The following SHISAL1 variants were observed in gnomAD, a reference collection of about 807,000 sequenced individuals.
SHISAL1 encodes the protein protein shisa-like-1.
A neutral mutation model predicts 22.6 loss-of-function variants in SHISAL1; 9 were observed. The observed-to-expected ratio is 0.40, with a 90% CI of 0.24 to 0.70. SHISAL1 has a LOEUF of 0.70. SHISAL1 is among the 30% of genes least tolerant of loss of function. The pLI, the probability that SHISAL1 is intolerant of heterozygous loss-of-function variation, is 0.39. For synonymous variants in SHISAL1, 119 were observed against 115.4 expected (o/e 1.03, Z -0.20); for missense variants, 246 against 270.6 (o/e 0.91, Z 0.64).
chr22:44,260,828 G>GC (rs1299351110), intron 4 of SHISAL1, among the ~76,000 whole-genome samples: 1 of 152,032 alleles, frequency 6.6e-6, no homozygotes, highest in African/African-American at 2.4e-5. Flanking sequence ...CCTGACTTTG[G>GC]CCGAGGCCTC....
Position 44,297,447 on chromosome 22 carries a change from G to A in SHISAL1, c.68-562C>T, listed in dbSNP as rs532556366. Among the ~76,000 whole-genome samples the A allele has an allele frequency of 2.4e-3, 359 of 152,356 alleles. 2 individuals carry two copies. Among genetic ancestry groups the A allele is most frequent in the African/African-American group, 8.2e-3 (340 of 41,590 alleles). Reference sequence around the variant, plus strand: ...CCCAGGCTGGCCCGGGTGGTGGCTGGCATAGGTGCAAGGACCTCTTGGGTA... The same window carrying A: ...CCCAGGCTGGCCCGGGTGGTGGCTGACATAGGTGCAAGGACCTCTTGGGTA... On this transcript the variant is annotated intron_variant, in intron 2 of 4. Coordinates refer to ENST00000381176, the MANE Select transcript of SHISAL1 (RefSeq NM_001099294.2).
Position 44,259,096 on chromosome 22 carries a change from G to A in SHISAL1, c.*-9411C>T, listed in dbSNP as rs377755086. On this transcript the variant is annotated intron_variant, in intron 4 of 4. Transcript: ENST00000381176. Reference sequence around the variant, plus strand: ...GAAAAAGGGAAGTGCATCCTCACCCGCCCTGCTATGTTCTTAGGTGGAAAT... The same window carrying A: ...GAAAAAGGGAAGTGCATCCTCACCCACCCTGCTATGTTCTTAGGTGGAAAT... Among the ~76,000 whole-genome samples, 8 of 152,266 alleles carry A rather than the reference G, an allele frequency of 5.3e-5. No homozygotes were observed. In the South Asian group the frequency reaches 6.2e-4, roughly 12 times the overall value.
At chr22:44,327,238 GCGCA>G in the SHISAL1 span, among the ~76,000 whole-genome samples, 825 of 101,220 alleles carry the variant, frequency 8.2e-3, 13 homozygotes, top group African/African-American at 0.032. Flanking sequence ...AGTGGGGGGC[GCGCA>G]CACACACACA....
At chr22:44,270,496 C>A (rs1295751880) in intron 4 of SHISAL1, among the ~76,000 whole-genome samples, 1 of 152,166 alleles carries the variant, frequency 6.6e-6, no homozygotes, top group Admixed American at 6.5e-5. Flanking sequence ...TGAGTTTCCA[C>A]ACTTGTGGGA....
At chr22:44,268,657 G>A (rs941198322) in intron 4 of SHISAL1, among the ~76,000 whole-genome samples, 1 of 152,214 alleles carries the variant, frequency 6.6e-6, no homozygotes, top group African/African-American at 2.4e-5. Flanking sequence ...GGGCAGCAGG[G>A]AGAGGGTGTT....
chr22:44,266,528 A>ATGTGTGTGTGTTGGGGGCTTTGGGGTATG (rs2055164205), intron 4 of SHISAL1, among the ~76,000 whole-genome samples: 1 of 108,328 alleles, frequency 9.2e-6, no homozygotes, highest in Admixed American at 1.1e-4. Flanking sequence ...GCTTTGGGGT[A>ATGTGTGTGTGTTGGGGGCTTTGGGGTATG]TGTGTGTGTG....
intron 2 of SHISAL1, among the ~76,000 whole-genome samples, chr22:44,298,208 C>T (rs1367740279): frequency 6.6e-6 from 1 of 152,216 alleles, no homozygotes; most frequent in Non-Finnish European, 1.5e-5. Context: ...AATACCCCCT[C>T]TGGGGATGTA....
intron 4 of SHISAL1, among the ~76,000 whole-genome samples, chr22:44,252,592 A>G (rs2055055419): frequency 6.6e-6 from 1 of 151,006 alleles, no homozygotes; most frequent in Admixed American, 6.7e-5. Flanking sequence ...TGCATCTGCC[A>G]TATCAGTAAA....
At position 44,245,672 on chromosome 22, in the gene SHISAL1, A is replaced by T. The variant is rs1169959370; in HGVS notation, c.*4013T>A. 6.6e-6 allele frequency: 1 copy of T among 152,134 alleles called. No individual in the cohort carries two copies. Among genetic ancestry groups the T allele is most frequent in the East Asian group, 1.9e-4 (1 of 5,170 alleles). The allele number at this position is 152,134 out of a possible 1,614,324, so 9.4% of individuals were successfully genotyped here. On this transcript the variant is annotated 3_prime_UTR_variant, in exon 5 of 5. Coordinates refer to ENST00000381176, the MANE Select transcript of SHISAL1 (RefSeq NM_001099294.2). ...CAACCTGGACAGCGGCCTGTGGGGGAGTCAGTGCCAAGCACAGCCACACCC... is the reference window on the plus strand; with the variant it reads ...CAACCTGGACAGCGGCCTGTGGGGGTGTCAGTGCCAAGCACAGCCACACCC...
chr22:44,283,870 T>C (rs2055293354), intron 4 of SHISAL1, among the ~76,000 whole-genome samples: 1 of 152,058 alleles, frequency 6.6e-6, no homozygotes, highest in African/African-American at 2.4e-5. Flanking sequence ...CCTCTAGGTG[T>C]GTCTGTTGCA....
chr22:44,255,520 G>T (rs549694159), intron 4 of SHISAL1, among the ~76,000 whole-genome samples: 1 of 152,064 alleles, frequency 6.6e-6, no homozygotes, highest in Non-Finnish European at 1.5e-5. Context: ...AGCAAATCCC[G>T]TTGGACCTTC....
chr22:44,256,107 G>A (rs1032623196), intron 4 of SHISAL1, among the ~76,000 whole-genome samples: 1 of 152,078 alleles, frequency 6.6e-6, no homozygotes, highest in Admixed American at 6.5e-5. Context: ...AGGCTGGGAC[G>A]AATTCACACC....
intron 4 of SHISAL1, among the ~76,000 whole-genome samples, chr22:44,283,689 T>C (rs2055291914): frequency 6.6e-6 from 1 of 152,138 alleles, no homozygotes; most frequent in Non-Finnish European, 1.5e-5. Flanking sequence ...TGTATGTGCA[T>C]GCAAAAGGTG....
chr22:44,257,816 G>A (rs1008929469), intron 4 of SHISAL1, among the ~76,000 whole-genome samples: 10 of 152,154 alleles, frequency 6.6e-5, no homozygotes, highest in Admixed American at 2.0e-4. Flanking sequence ...ACCTTCCTAG[G>A]GAACTGCATT....
intron 1 of SHISAL1, among the ~76,000 whole-genome samples, chr22:44,307,386 G>A (rs2055486933): frequency 6.6e-6 from 1 of 152,154 alleles, no homozygotes. Context: ...GAAGTGACTT[G>A]CCCAAGGTCA....
upstream of SHISAL1, among the ~76,000 whole-genome samples, chr22:44,315,702 C>T (rs543066605): frequency 1.4e-4 from 21 of 152,292 alleles, no homozygotes; most frequent in South Asian, 1.7e-3. Flanking sequence ...ACCTGCCTGG[C>T]GGGTCACCTG....
chr22:44,264,392 C>G (rs1056217906), intron 4 of SHISAL1, among the ~76,000 whole-genome samples: 10 of 152,200 alleles, frequency 6.6e-5, no homozygotes, highest in African/African-American at 2.4e-4. Context: ...AGTGCAGAGC[C>G]TGGCATATGG....
chr22:44,293,851 C>T (rs2055369059), intron 3 of SHISAL1, among the ~76,000 whole-genome samples: 1 of 152,192 alleles, frequency 6.6e-6, no homozygotes, highest in African/African-American at 2.4e-5. Flanking sequence ...ATCCTCGATA[C>T]TCCCATTCTC....
Position 44,295,857 on chromosome 22 carries a change from G to C in SHISAL1, c.281+815C>G, listed in dbSNP as rs79914302. ...TTGAAACTCCATGACTCTACTTAGCGTGTTCCCATTGCTTTTCTAACAGCA... is the reference window on the plus strand; with the variant it reads ...TTGAAACTCCATGACTCTACTTAGCCTGTTCCCATTGCTTTTCTAACAGCA... On this transcript the variant is annotated intron_variant, in intron 3 of 4. Transcript: ENST00000381176. Among the ~76,000 whole-genome samples, 1,358 of 152,244 alleles carry C rather than the reference G, an allele frequency of 8.9e-3. 19 individuals carry two copies. Among genetic ancestry groups the C allele is most frequent in the African/African-American group, 0.031 (1,293 of 41,516 alleles).
Sources: allele counts gnomAD v4.1 joint callset (sites outside exome capture counted in the v4.1 genomes callset), GRCh38; gene constraint gnomAD v4.1.1; transcripts MANE v1.5; gene names NCBI Gene and HGNC (gene_info 2026-07-23, HGNC 2026-07-21).